Variants in GRIK1 observed in about 807,000 individuals in gnomAD.
GRIK1 encodes the protein glutamate ionotropic receptor kainate type subunit 1.
In GRIK1, 69 loss-of-function variants were observed where a neutral mutation model predicts 105.7. That is an observed-to-expected ratio of 0.65 (90% CI 0.54 to 0.80). GRIK1 has a LOEUF of 0.80. Among genes scored for constraint, GRIK1 ranks in the 30% least tolerant of loss-of-function variants. GRIK1 has a pLI of 0.00. For missense variants in GRIK1, 1,109 were observed against 1,167.3 expected, an observed-to-expected ratio of 0.95 and a Z score of 0.73; for synonymous variants, 438 against 431.3, an observed-to-expected ratio of 1.02 and a Z score of -0.19.
chr21:29,571,164 T>C (rs2090738058), intron 14 of GRIK1, among the ~76,000 whole-genome samples: 1 of 151,988 alleles, frequency 6.6e-6, no homozygotes, highest in East Asian at 1.9e-4. Context: ...CTGGCTGAGA[T>C]GGTGAAACAC....
chr21:29,867,254 A>G (rs1173574001), intron 1 of GRIK1, among the ~76,000 whole-genome samples: 1 of 152,078 alleles, frequency 6.6e-6, no homozygotes, highest in African/African-American at 2.4e-5. Flanking sequence ...GACAACAGCT[A>G]TAAAGCTGTT....
At chr21:29,827,975 A>ATCTCTC (rs71335097) in intron 1 of GRIK1, among the ~76,000 whole-genome samples, 7,561 of 113,470 alleles carry the variant, frequency 0.067, 283 homozygotes, top group Non-Finnish European at 0.1. Context: ...TATAGTTAGG[A>ATCTCTC]TCTCTCTCTC....
At chr21:29,869,953 AG>A (rs1462685835) in intron 1 of GRIK1, among the ~76,000 whole-genome samples, 1 of 152,174 alleles carries the variant, frequency 6.6e-6, no homozygotes. Flanking sequence ...CTTTAAAACT[AG>A]GACTGTCAGG....
At chr21:29,809,577 C>A (rs1357639720) in intron 1 of GRIK1, among the ~76,000 whole-genome samples, 1 of 152,158 alleles carries the variant, frequency 6.6e-6, no homozygotes, top group Non-Finnish European at 1.5e-5. Context: ...CTAAAACTTT[C>A]TTTATATCAG....
intron 16 of GRIK1, chr21:29,553,641 T>C: frequency 6.2e-7 from 1 of 1,610,108 alleles, no homozygotes; most frequent in Non-Finnish European, 8.5e-7. Flanking sequence ...GATAAAGTAG[T>C]TCCAGAAGTG....
chr21:29,623,054 T>C (rs2062041469), intron 7 of GRIK1, among the ~76,000 whole-genome samples: 1 of 152,226 alleles, frequency 6.6e-6, no homozygotes, highest in Non-Finnish European at 1.5e-5. Flanking sequence ...CAGTCTGTTC[T>C]CATCCTGCTA....
chr21:29,847,386 G>A (rs148546734), intron 1 of GRIK1, among the ~76,000 whole-genome samples: 14 of 152,304 alleles, frequency 9.2e-5, no homozygotes, highest in African/African-American at 2.9e-4. Context: ...ACTAAGTCAG[G>A]AGTTCGAGAC....
At chr21:29,571,988 C>T (rs1031530001) in intron 14 of GRIK1, among the ~76,000 whole-genome samples, 11 of 152,150 alleles carry the variant, frequency 7.2e-5, no homozygotes, top group African/African-American at 2.7e-4. Flanking sequence ...CTTATTCATT[C>T]TACAGCTCAA....
At chr21:29,841,727 G>A (rs1173296483) in intron 1 of GRIK1, among the ~76,000 whole-genome samples, 1 of 152,094 alleles carries the variant, frequency 6.6e-6, no homozygotes, top group Non-Finnish European at 1.5e-5. Flanking sequence ...GCAAAAGAAT[G>A]GACAAGGTAT....
intron 1 of GRIK1, among the ~76,000 whole-genome samples, chr21:29,906,339 G>A (rs979006228): frequency 4.8e-4 from 73 of 152,274 alleles, no homozygotes; most frequent in African/African-American, 1.7e-3. Context: ...CCAGTTAAAT[G>A]TTAGAAAACC....
At chr21:29,820,695 C>G (rs763358028) in intron 1 of GRIK1, among the ~76,000 whole-genome samples, 52 of 151,840 alleles carry the variant, frequency 3.4e-4, no homozygotes, top group Non-Finnish European at 6.5e-4. Flanking sequence ...TAAATTAAAG[C>G]CATCCTCATT....
chr21:29,776,406 T>C (rs2065944808), intron 1 of GRIK1, among the ~76,000 whole-genome samples: 2 of 152,252 alleles, frequency 1.3e-5, no homozygotes, highest in Non-Finnish European at 2.9e-5. Context: ...AATCAGCATA[T>C]AATTTGAATA....
chr21:29,924,461 G>A lies in GRIK1; in HGVS notation c.118+14922C>T, dbSNP rs537844941. ...ATGACATCATGAGCTTTATTCTATGGTTACTGTAAGAAAGGTTAAGAACAA... is the reference window on the plus strand; with the variant it reads ...ATGACATCATGAGCTTTATTCTATGATTACTGTAAGAAAGGTTAAGAACAA... On this transcript the variant is annotated intron_variant, in intron 1 of 17. Transcript: ENST00000327783. 2.0e-5 allele frequency among the ~76,000 whole-genome samples: 3 copies of A among 152,190 alleles called. No homozygotes were observed. In the East Asian group the frequency reaches 5.8e-4, roughly 29 times the overall value.
In GRIK1 at chr21:29,623,651, TC is replaced by T. The variant is rs2062058010; in HGVS notation, c.1098+19174del. 7.2e-5 allele frequency among the ~76,000 whole-genome samples: 11 copies of T among 152,324 alleles called. No individual in the cohort carries two copies. The South Asian group carries it at 2.1e-3, about 29-fold the overall frequency. ...AAATACCCTTATTTCATGAATAACC[TC>T]AATAACTCTCAAAATGAATATTGTT... On this transcript the variant is annotated intron_variant, in intron 7 of 17. Transcript: ENST00000327783.
chr21:29,732,450 C>T (rs1262942002), intron 1 of GRIK1, among the ~76,000 whole-genome samples: 3 of 152,124 alleles, frequency 2.0e-5, no homozygotes, highest in Non-Finnish European at 4.4e-5. Context: ...TGTTGATTTT[C>T]TTCAAGTGAT....
At chr21:29,785,382 G>T (rs1294374312) in intron 1 of GRIK1, among the ~76,000 whole-genome samples, 3 of 151,952 alleles carry the variant, frequency 2.0e-5, no homozygotes, top group Non-Finnish European at 2.9e-5. Flanking sequence ...GGCCAAAGTG[G>T]TGAAACCCCA....
intron 1 of GRIK1, among the ~76,000 whole-genome samples, chr21:29,887,150 A>G (rs768492188): frequency 6.6e-6 from 1 of 152,208 alleles, no homozygotes; most frequent in African/African-American, 2.4e-5. Context: ...TGAAGGTTAC[A>G]TTAACTCTTT....
chr21:29,782,330 C>A (rs893000971), intron 1 of GRIK1, among the ~76,000 whole-genome samples: 2 of 152,102 alleles, frequency 1.3e-5, no homozygotes, highest in Non-Finnish European at 2.9e-5. Flanking sequence ...TTGTGATCTG[C>A]CCTCCTTGGC....
intron 1 of GRIK1, among the ~76,000 whole-genome samples, chr21:29,885,340 C>T (rs1457761528): frequency 6.6e-6 from 1 of 152,044 alleles, no homozygotes; most frequent in Non-Finnish European, 1.5e-5. Flanking sequence ...GTTCTCTTCT[C>T]ATACCACAAC....
Sources: allele counts gnomAD v4.1 joint callset (sites outside exome capture counted in the v4.1 genomes callset), GRCh38; gene constraint gnomAD v4.1.1; transcripts MANE v1.5; gene names NCBI Gene and HGNC (gene_info 2026-07-23, HGNC 2026-07-21).